RASGEF1C: variants seen among roughly 807,000 people sequenced by gnomAD.
RASGEF1C encodes the protein ras-GEF domain-containing family member 1C.
Under a neutral mutation model 58.1 loss-of-function variants are expected in RASGEF1C, and 27 were observed. That is an observed-to-expected ratio of 0.46 (90% CI 0.34 to 0.64). The LOEUF (loss-of-function observed/expected upper bound fraction) is 0.64, where lower values mean the gene tolerates loss of function less well. Among genes scored for constraint, RASGEF1C ranks in the 30% least tolerant of loss-of-function variants. The pLI is 0.01. For synonymous variants in RASGEF1C, 243 were observed against 246.3 expected, an observed-to-expected ratio of 0.99 and a Z score of 0.13; for missense variants, 502 against 605.1, an observed-to-expected ratio of 0.83 and a Z score of 1.79.
chr5:180,103,507 G>A (rs570360690), intron 12 of RASGEF1C, among the ~76,000 whole-genome samples: 18 of 152,296 alleles, frequency 1.2e-4, no homozygotes, highest in African/African-American at 3.9e-4. Context: ...TTGCTCATAC[G>A]TAGAAACATG....
intron 12 of RASGEF1C, among the ~76,000 whole-genome samples, chr5:180,108,369 T>G (rs1382309236): frequency 6.6e-6 from 1 of 151,868 alleles, no homozygotes; most frequent in Non-Finnish European, 1.5e-5. Context: ...GCTTGGCTAA[T>G]TTTTTGTATT....
At chr5:180,103,935 T>A (rs1397742380) in intron 12 of RASGEF1C, among the ~76,000 whole-genome samples, 1 of 152,218 alleles carries the variant, frequency 6.6e-6, no homozygotes, top group African/African-American at 2.4e-5. Flanking sequence ...AATATAATCA[T>A]GTGTCTTTTC....
At chr5:180,147,670 T>A (rs1337373510) in intron 1 of RASGEF1C, among the ~76,000 whole-genome samples, 1 of 152,224 alleles carries the variant, frequency 6.6e-6, no homozygotes, top group Non-Finnish European at 1.5e-5. Context: ...ATACTTCATA[T>A]GATATCTCTC....
chr5:180,188,671 C>A (rs1398460189), intron 1 of RASGEF1C, among the ~76,000 whole-genome samples: 1 of 152,142 alleles, frequency 6.6e-6, no homozygotes, highest in Non-Finnish European at 1.5e-5. Flanking sequence ...TTCTTTTCTT[C>A]TTTTATAATT....
intron 1 of RASGEF1C, among the ~76,000 whole-genome samples, chr5:180,193,541 G>C (rs11249683): frequency 0.67 from 101,314 of 151,844 alleles, 34,055 homozygotes; most frequent in East Asian, 0.88. Context: ...AGCCAGGACC[G>C]GGGGACTCAA....
At chr5:180,123,674 T>C (rs1766212112) in intron 6 of RASGEF1C, among the ~76,000 whole-genome samples, 1 of 150,902 alleles carries the variant, frequency 6.6e-6, no homozygotes, top group African/African-American at 2.4e-5. Flanking sequence ...ACAGTATAAA[T>C]CCAAAGAAAG....
At chr5:180,171,009 G>C (rs6896218) in intron 1 of RASGEF1C, among the ~76,000 whole-genome samples, 71,750 of 151,980 alleles carry the variant, frequency 0.47, 17,179 homozygotes, top group Non-Finnish European at 0.49. Flanking sequence ...ATCCCAGAGA[G>C]CATGCAGATG....
chr5:180,125,953 T>G (rs1766250480), intron 6 of RASGEF1C, among the ~76,000 whole-genome samples: 1 of 152,128 alleles, frequency 6.6e-6, no homozygotes, highest in Non-Finnish European at 1.5e-5. Flanking sequence ...TACCAGCGGG[T>G]GTAAGAATGT....
rs79883780 is a variant in RASGEF1C at position 180,161,139 on chromosome 5, C to A, written c.-6-23081G>T. 9.7e-3 allele frequency among the ~76,000 whole-genome samples: 1,478 copies of A among 152,312 alleles called. 18 individuals are homozygous for A. The highest frequency in any genetic ancestry group is 0.033 in the African/African-American group (1,391 of 41,566). The stretch of plus-strand genomic sequence containing the variant: ...GAGAGCAGAGAAAAATGGGACTCTT[C>A]TTCTGGACCTTGGAGATTGATGTAC... On this transcript the variant is annotated intron_variant, in intron 1 of 13. Transcript: ENST00000361132.
chr5:180,185,015 A>G (rs1561755076), intron 1 of RASGEF1C, among the ~76,000 whole-genome samples: 1 of 152,192 alleles, frequency 6.6e-6, no homozygotes, highest in African/African-American at 2.4e-5. Context: ...AAGGAGGGCC[A>G]GGGGCGGTGG....
At position 180,151,380 on chromosome 5, in the gene RASGEF1C, A is replaced by G. The variant is rs1156369511; in HGVS notation, c.-6-13322T>C. Among the ~76,000 whole-genome samples, 3 of 152,250 alleles carry G rather than the reference A, an allele frequency of 2.0e-5. No individual in the cohort carries two copies. The South Asian group carries it at 6.2e-4, about 31-fold the overall frequency. On this transcript the variant is annotated intron_variant, in intron 1 of 13. Coordinates refer to ENST00000361132, the MANE Select transcript of RASGEF1C (RefSeq NM_175062.4). ...GGTACCAAAACAGAGATATAGACCA[A>G]TGGAACAGAACAGAGCCCTCAGAAA...
chr5:180,190,655 T>C (rs1474000912), intron 1 of RASGEF1C, among the ~76,000 whole-genome samples: 1 of 151,356 alleles, frequency 6.6e-6, no homozygotes, highest in Non-Finnish European at 1.5e-5. Flanking sequence ...GTGACAGAGC[T>C]AGACCCTGTC....
intron 1 of RASGEF1C, among the ~76,000 whole-genome samples, chr5:180,193,604 CAAAT>C (rs1490631448): frequency 6.6e-6 from 1 of 152,062 alleles, no homozygotes; most frequent in Non-Finnish European, 1.5e-5. Context: ...GACCAAAAAA[CAAAT>C]AAAAACCAAC....
rs1370787970 is a variant in RASGEF1C, at chr5:180,209,149, GCCCGA to G, written c.-133_-129del. 4.0e-5 allele frequency: 5 copies of G among 125,220 alleles called. No individual in the cohort carries two copies. The highest frequency in any genetic ancestry group is 1.4e-4 in the African/African-American group (5 of 34,562). 7.8% of individuals were successfully genotyped at this position (125,220 alleles called of 1,614,324 possible). On this transcript the variant is annotated 5_prime_UTR_variant, in exon 1 of 14. Transcript: ENST00000361132. ...CGCCGCCGCCGCCGCCGCCGCCGCC[GCCCGA>G]CCGCCCGGCTCCCAGCGCAGCCCGC...
chr5:180,178,909 G>C (rs549434006), intron 1 of RASGEF1C, among the ~76,000 whole-genome samples: 1 of 152,190 alleles, frequency 6.6e-6, no homozygotes, highest in Admixed American at 6.5e-5. Flanking sequence ...GTTCTTGGGG[G>C]GGGAGGGGCG....
At chr5:180,182,110 C>T (rs1044234216) in intron 1 of RASGEF1C, among the ~76,000 whole-genome samples, 1 of 144,040 alleles carries the variant, frequency 6.9e-6, no homozygotes, top group Non-Finnish European at 1.5e-5. Flanking sequence ...GAGGCTGAGG[C>T]AGGAGAATGG....
chr5:180,133,436 C>T (rs1236762414), intron 4 of RASGEF1C, among the ~76,000 whole-genome samples: 1 of 152,198 alleles, frequency 6.6e-6, no homozygotes, highest in East Asian at 1.9e-4. Flanking sequence ...GGTTCCCTCA[C>T]AGCCCTGTGA....
At chr5:180,173,222 G>A (rs556971158) in intron 1 of RASGEF1C, among the ~76,000 whole-genome samples, 14 of 152,364 alleles carry the variant, frequency 9.2e-5, no homozygotes, top group African/African-American at 2.4e-4. Flanking sequence ...AAACTCAGAA[G>A]AGCCAGCTAC....
chr5:180,171,248 T>A (rs1211004961), intron 1 of RASGEF1C, among the ~76,000 whole-genome samples: 1 of 151,924 alleles, frequency 6.6e-6, no homozygotes, highest in East Asian at 1.9e-4. Flanking sequence ...CCCGGGACTT[T>A]CTGCTTGGGA....
Sources: allele counts gnomAD v4.1 joint callset (sites outside exome capture counted in the v4.1 genomes callset), GRCh38; gene constraint gnomAD v4.1.1; transcripts MANE v1.5; gene names NCBI Gene and HGNC (gene_info 2026-07-23, HGNC 2026-07-21).